CDK14: variants seen among roughly 807,000 people sequenced by gnomAD.
The protein encoded by CDK14 is cyclin-dependent kinase 14.
A neutral mutation model predicts 60.7 loss-of-function variants in CDK14; 34 were observed. The observed-to-expected ratio is 0.56, with a 90% CI of 0.43 to 0.75. CDK14 has a LOEUF of 0.75. Among genes scored for constraint, CDK14 ranks in the 30% least tolerant of loss-of-function variants. The pLI is 0.00. For missense variants in CDK14, 482 were observed against 564.1 expected (o/e 0.85, Z 1.47); for synonymous variants, 197 against 203.7 (o/e 0.97, Z 0.28).
chr7:91,145,918 CTTTA>C (rs144547153), intron 14 of CDK14, among the ~76,000 whole-genome samples: 51,278 of 147,580 alleles, frequency 0.35, 9,403 homozygotes, highest in East Asian at 0.49. Flanking sequence ...ACCTGGCTTG[CTTTA>C]TTTATTTATT....
At chr7:90,935,648 T>G (rs946365538) in intron 8 of CDK14, among the ~76,000 whole-genome samples, 3 of 152,054 alleles carry the variant, frequency 2.0e-5, no homozygotes, top group South Asian at 2.1e-4. Context: ...ATGCATTCTG[T>G]TTTTTTTCAC....
chr7:90,991,562 G>C (rs1041484383), intron 10 of CDK14, among the ~76,000 whole-genome samples: 16 of 152,148 alleles, frequency 1.1e-4, no homozygotes, highest in Admixed American at 2.0e-4. Context: ...CAGCGGGTAG[G>C]GGTGGTGGGT....
chr7:90,902,198 A>T (rs903629883), intron 7 of CDK14, among the ~76,000 whole-genome samples: 1 of 152,104 alleles, frequency 6.6e-6, no homozygotes. Flanking sequence ...ATTCAATACA[A>T]TTCCTCAAAA....
chr7:90,754,478 C>G (rs747668496), intron 4 of CDK14, among the ~76,000 whole-genome samples: 1 of 152,128 alleles, frequency 6.6e-6, no homozygotes, highest in Non-Finnish European at 1.5e-5. Flanking sequence ...TAAAAATTAA[C>G]TCAAGATGGA....
intron 2 of CDK14, among the ~76,000 whole-genome samples, chr7:90,650,259 T>C (rs1800601939): frequency 2.6e-5 from 4 of 152,250 alleles, no homozygotes; most frequent in South Asian, 2.1e-4. Context: ...ATGTCTTCTT[T>C]TGAGTAGTGT....
chr7:90,799,690 CAAAAAAAA>C (rs11353946), intron 5 of CDK14, among the ~76,000 whole-genome samples: 1 of 53,532 alleles, frequency 1.9e-5, no homozygotes, highest in African/African-American at 7.2e-5. Context: ...AACTCCATCT[CAAAAAAAA>C]AAAAAAAAAA....
At chr7:91,158,292 A>G (rs767397176) in intron 14 of CDK14, among the ~76,000 whole-genome samples, 1 of 151,918 alleles carries the variant, frequency 6.6e-6, no homozygotes, top group South Asian at 2.1e-4. Context: ...GACTCACTGC[A>G]GTCTCGACCT....
chr7:90,631,550 G>C (rs910386139), intron 2 of CDK14, among the ~76,000 whole-genome samples: 1 of 152,128 alleles, frequency 6.6e-6, no homozygotes. Context: ...ACAGTTCCAT[G>C]TTTATCTGTT....
At chr7:91,169,706 C>A (rs1801454959) in intron 14 of CDK14, among the ~76,000 whole-genome samples, 1 of 152,182 alleles carries the variant, frequency 6.6e-6, no homozygotes, top group Non-Finnish European at 1.5e-5. Flanking sequence ...TGATGTGCAG[C>A]ATTTTCCTGG....
chr7:90,814,795 T>A (rs1211282889), intron 5 of CDK14, among the ~76,000 whole-genome samples: 2 of 152,028 alleles, frequency 1.3e-5, no homozygotes, highest in Non-Finnish European at 2.9e-5. Flanking sequence ...AAACAAAACT[T>A]ATTGAGTAAC....
At chr7:90,815,391 T>A (rs1789306392) in intron 5 of CDK14, among the ~76,000 whole-genome samples, 1 of 152,204 alleles carries the variant, frequency 6.6e-6, no homozygotes, top group South Asian at 2.1e-4. Flanking sequence ...CCAGTTAGAA[T>A]GGCAATCATT....
At chr7:90,677,430 T>C (rs1165970548) in intron 2 of CDK14, among the ~76,000 whole-genome samples, 1 of 152,250 alleles carries the variant, frequency 6.6e-6, no homozygotes, top group Admixed American at 6.5e-5. Flanking sequence ...GTAGTAATTT[T>C]CTCACTTTCT....
chr7:91,156,639 G>A (rs180817267), intron 14 of CDK14, among the ~76,000 whole-genome samples: 90 of 152,218 alleles, frequency 5.9e-4, no homozygotes, highest in Non-Finnish European at 1.1e-3. Flanking sequence ...CATTGCCATC[G>A]TTTATTTATT....
At chr7:90,760,120 C>T (rs1296866677) in intron 4 of CDK14, among the ~76,000 whole-genome samples, 2 of 152,018 alleles carry the variant, frequency 1.3e-5, no homozygotes, top group African/African-American at 2.4e-5. Context: ...AATTAAACGA[C>T]CTTATAAATT....
chr7:90,648,168 C>G (rs1482048147), intron 2 of CDK14, among the ~76,000 whole-genome samples: 1 of 152,026 alleles, frequency 6.6e-6, no homozygotes, highest in African/African-American at 2.4e-5. Context: ...TTGGAGGTTG[C>G]GGTCAAGATG....
chr7:90,733,848 A>G (rs1802974717), intron 3 of CDK14, among the ~76,000 whole-genome samples: 1 of 152,180 alleles, frequency 6.6e-6, no homozygotes, highest in Non-Finnish European at 1.5e-5. Flanking sequence ...CGATCGTGTT[A>G]TTATGATGCT....
At chr7:90,953,472 T>C (rs1272799879) in intron 8 of CDK14, among the ~76,000 whole-genome samples, 1 of 152,166 alleles carries the variant, frequency 6.6e-6, no homozygotes, top group Non-Finnish European at 1.5e-5. Context: ...TATTTGTAGT[T>C]TCCAAAAATA....
At chr7:90,744,598 C>A (rs1352988833) in intron 3 of CDK14, among the ~76,000 whole-genome samples, 1 of 151,230 alleles carries the variant, frequency 6.6e-6, no homozygotes, top group Non-Finnish European at 1.5e-5. Context: ...CGGGCAGAAG[C>A]GCCCCTCACC....
chr7:91,079,361 G>A, intron 11 of CDK14, 71 bp from the exon 12 acceptor site: 1 of 1,073,882 alleles, frequency 9.3e-7, no homozygotes, highest in Non-Finnish European at 1.4e-6. Context: ...TAAAGTTGAA[G>A]TTTTTTCAAC....
Sources: gnomAD v4.1 joint callset for allele counts (sites outside exome capture counted in the v4.1 genomes callset) on GRCh38, gnomAD v4.1.1 for gene constraint, MANE v1.5 for transcripts, NCBI Gene and HGNC (gene_info 2026-07-23, HGNC 2026-07-21) for gene names.